Variants in GRIA3 observed in about 807,000 individuals in gnomAD.
The protein encoded by GRIA3 is glutamate receptor 3.
Under a neutral mutation model 63.0 loss-of-function variants are expected in GRIA3, and 3 were observed. That is an observed-to-expected ratio of 0.05 (90% confidence interval 0.02 to 0.12). The LOEUF (loss-of-function observed/expected upper bound fraction) is 0.12, where lower values mean the gene tolerates loss of function less well. Among genes scored for constraint, GRIA3 ranks in the 10% least tolerant of loss-of-function variants. The pLI, the probability that GRIA3 is intolerant of heterozygous loss-of-function variation, is 1.00. For synonymous variants in GRIA3, 274 were observed against 257.9 expected, an observed-to-expected ratio of 1.06 and a Z score of -0.60; for missense variants, 347 against 700.9, an observed-to-expected ratio of 0.50 and a Z score of 5.70.
chrX:123,430,762 A>C (rs2045613114), intron 12 of GRIA3, among the ~76,000 whole-genome samples: 1 of 111,011 alleles, frequency 9.0e-6, no homozygotes, highest in African/African-American at 3.3e-5. Flanking sequence ...AGGCAGGCAG[A>C]TCACGAGCTC....
At chrX:123,298,488 T>C (rs1395818286) in intron 3 of GRIA3, among the ~76,000 whole-genome samples, 1 of 111,661 alleles carries the variant, frequency 9.0e-6, no homozygotes, top group Non-Finnish European at 1.9e-5. Context: ...ATCAGTGATG[T>C]TGAGCTTTTT....
At chrX:123,465,148 T>C in intron 13 of GRIA3, 36 bp downstream of exon 13, 1 of 1,174,742 alleles carries the variant, frequency 8.5e-7, no homozygotes, top group Admixed American at 2.2e-5. Flanking sequence ...CGTGTTGTTA[T>C]AGTATTCCAC....
In GRIA3 at chrX:123,473,365, T is replaced by G. The variant is rs767126996; in HGVS notation, c.2325-6698T>G. Among the ~76,000 whole-genome samples, 68 of 112,320 alleles carry G rather than the reference T, an allele frequency of 6.1e-4. 1 individual carries two copies. The highest frequency in any genetic ancestry group is 2.0e-3 in the African/African-American group (61 of 30,948). On this transcript the variant is annotated intron_variant, in intron 13 of 15. Transcript: ENST00000620443. ...TTAATCTACAGAAAAGAATGTAAAG[T>G]ACCACATAGTAAATTCTTTAATACA...
At chrX:123,460,500 T>C (rs1359519493) in intron 12 of GRIA3, among the ~76,000 whole-genome samples, 1 of 111,926 alleles carries the variant, frequency 8.9e-6, no homozygotes. Context: ...ACATAGTGTG[T>C]TCGTAGATTG....
chrX:123,356,719 T>C (rs769528463), intron 5 of GRIA3, among the ~76,000 whole-genome samples: 63 of 111,700 alleles, frequency 5.6e-4, no homozygotes, highest in Non-Finnish European at 9.2e-4. Flanking sequence ...AAGTTTGAGA[T>C]ATAACATTGA....
At chrX:123,474,837 C>T (rs946561686) in intron 13 of GRIA3, among the ~76,000 whole-genome samples, 1 of 111,712 alleles carries the variant, frequency 9.0e-6, no homozygotes, top group African/African-American at 3.3e-5. Context: ...GTTGGTACAA[C>T]CCAGGAACTG....
At chrX:123,264,242 G>A (rs758248733) in intron 3 of GRIA3, among the ~76,000 whole-genome samples, 10 of 112,229 alleles carry the variant, frequency 8.9e-5, no homozygotes, top group African/African-American at 2.6e-4. Context: ...ACTTCTCCAG[G>A]AGCATTCTGT....
chrX:123,303,210 T>C (rs1404458441), intron 3 of GRIA3, among the ~76,000 whole-genome samples: 1 of 111,165 alleles, frequency 9.0e-6, no homozygotes, highest in Non-Finnish European at 1.9e-5. Context: ...TCTAGATTTG[T>C]CATTGACTAA....
At chrX:123,342,467 G>A (rs1157896920) in intron 4 of GRIA3, among the ~76,000 whole-genome samples, 2 of 112,153 alleles carry the variant, frequency 1.8e-5, no homozygotes, top group Non-Finnish European at 3.8e-5. Context: ...AACCTGCACT[G>A]TGACAAGCTG....
intron 2 of GRIA3, 134 bp downstream of exon 2, chrX:123,186,124 G>A: frequency 1.8e-6 from 1 of 550,284 alleles, no homozygotes; most frequent in Middle Eastern, 3.2e-4. Flanking sequence ...AATCCATCCG[G>A]TTTCATGTTG....
At chrX:123,279,097 T>G (rs1012675194) in intron 3 of GRIA3, among the ~76,000 whole-genome samples, 3 of 111,495 alleles carry the variant, frequency 2.7e-5, no homozygotes, top group African/African-American at 9.8e-5. Flanking sequence ...CTTCATTAAG[T>G]GAAATAAGCC....
At chrX:123,258,615 G>T (rs1424020501) in intron 3 of GRIA3, among the ~76,000 whole-genome samples, 1 of 111,683 alleles carries the variant, frequency 9.0e-6, no homozygotes, top group Admixed American at 9.5e-5. Context: ...TCGTGCACCT[G>T]ACAACTCTCC....
intron 5 of GRIA3, among the ~76,000 whole-genome samples, chrX:123,382,915 C>G (rs1370445690): frequency 1.8e-5 from 2 of 111,808 alleles, no homozygotes; most frequent in Non-Finnish European, 3.8e-5. Context: ...CATGCTGTGC[C>G]TATTGACCCT....
intron 10 of GRIA3, among the ~76,000 whole-genome samples, 160 bp from the exon 11 acceptor site, chrX:123,417,242 T>G (rs2045541310): frequency 8.9e-6 from 1 of 112,209 alleles, no homozygotes; most frequent in Non-Finnish European, 1.9e-5. Context: ...TAGAACCCAC[T>G]GAATGCTACC....
At chrX:123,210,175 C>CTT (rs200522754) in intron 2 of GRIA3, among the ~76,000 whole-genome samples, 1 of 92,343 alleles carries the variant, frequency 1.1e-5, no homozygotes, top group Non-Finnish European at 2.1e-5. Flanking sequence ...CAACCTGCTC[C>CTT]TTTTTTTTTT....
intron 5 of GRIA3, among the ~76,000 whole-genome samples, chrX:123,361,700 T>TTC (rs2045175707): frequency 9.0e-6 from 1 of 111,149 alleles, no homozygotes; most frequent in Non-Finnish European, 1.9e-5. Context: ...TGTGTCTCTC[T>TTC]TCTCTCTCTC....
chrX:123,309,530 G>A (rs1313899679), intron 3 of GRIA3, among the ~76,000 whole-genome samples: 1 of 112,116 alleles, frequency 8.9e-6, no homozygotes, highest in Non-Finnish European at 1.9e-5. Flanking sequence ...TTTGTTTTGA[G>A]GGATGCTCTG....
chrX:123,234,140 T>C (rs2044290424), intron 2 of GRIA3, among the ~76,000 whole-genome samples: 1 of 111,234 alleles, frequency 9.0e-6, no homozygotes, highest in Non-Finnish European at 1.9e-5. Context: ...CTCCTTCTTA[T>C]GAACTATGAC....
intron 3 of GRIA3, among the ~76,000 whole-genome samples, chrX:123,259,475 G>T (rs1277639540): frequency 1.2e-5 from 1 of 85,288 alleles, no homozygotes; most frequent in Non-Finnish European, 2.3e-5. Flanking sequence ...CACTCCTTAC[G>T]CCCTTTTCTT....
Sources: allele counts gnomAD v4.1 joint callset (sites outside exome capture counted in the v4.1 genomes callset), GRCh38; gene constraint gnomAD v4.1.1; transcripts MANE v1.5; gene names NCBI Gene and HGNC (gene_info 2026-07-23, HGNC 2026-07-21).